The following SLCO1A2 variants were observed in gnomAD, a reference collection of about 807,000 sequenced individuals.
The protein encoded by SLCO1A2 is solute carrier organic anion transporter family member 1A2.
SLCO1A2 carries 67 observed loss-of-function variants against 69.0 expected under a neutral mutation model. The observed-to-expected ratio is 0.97, with a 90% confidence interval of 0.80 to 1.19. SLCO1A2 has a LOEUF of 1.19. SLCO1A2 is among the 50% of genes most tolerant of loss of function. The pLI, the probability that SLCO1A2 is intolerant of heterozygous loss-of-function variation, is 0.00. For missense variants in SLCO1A2, 787 were observed against 793.7 expected (o/e 0.99, Z 0.10); for synonymous variants, 260 against 265.9 (o/e 0.98, Z 0.22).
At position 21,301,223 on chromosome 12, in the gene SLCO1A2, C is replaced by T. The variant is rs1272118285; in HGVS notation, c.636G>A (p.Leu212=). 6.2e-7 allele frequency: 1 copy of T among 1,612,472 alleles called. No homozygotes were observed. Among genetic ancestry groups the T allele is most frequent in the Non-Finnish European group, 8.5e-7 (1 of 1,179,384 alleles). ...GAIIGPLIGL[L]LASFCANVYV... ...AAACATTTGCACAGAATGATGCCAA[C>T]AAAAGTCCAATCAAAGGACCAATAA... The change falls in exon 7 of 15, where the codon TTG becomes TTA. Residue 212 remains leucine (L), a synonymous_variant. Transcript: ENST00000683939.
chr12:21,353,438 G>C (rs181473327), intron 2 of SLCO1A2, among the ~76,000 whole-genome samples: 1 of 151,268 alleles, frequency 6.6e-6, no homozygotes, highest in African/African-American at 2.4e-5. Context: ...TGGAAGGTTC[G>C]TAGCCTCTTT....
intron 2 of SLCO1A2, among the ~76,000 whole-genome samples, chr12:21,369,865 T>A (rs1390876742): frequency 6.6e-6 from 1 of 152,198 alleles, no homozygotes; most frequent in African/African-American, 2.4e-5. Flanking sequence ...CTTGTAAAGA[T>A]AATCTAAATA....
intron 1 of SLCO1A2, among the ~76,000 whole-genome samples, chr12:21,386,322 G>T (rs1940876265): frequency 6.6e-6 from 1 of 152,118 alleles, no homozygotes; most frequent in Non-Finnish European, 1.5e-5. Flanking sequence ...ATGAAATAAT[G>T]TATAAAAAGC....
chr12:21,380,846 G>GAGGGCCCCCCAACCCAACCC, intron 1 of SLCO1A2, among the ~76,000 whole-genome samples: 2 of 152,042 alleles, frequency 1.3e-5, no homozygotes, highest in Non-Finnish European at 2.9e-5. Flanking sequence ...GCAGGGAAGA[G>GAGGGCCCCCCAACCCAACCC]AGGGCCCCCC....
At chr12:21,309,084 TA>T (rs1949785595) in intron 4 of SLCO1A2, among the ~76,000 whole-genome samples, 1 of 152,080 alleles carries the variant, frequency 6.6e-6, no homozygotes. Context: ...CCTTGAAAAT[TA>T]AAAATGTGGT....
chr12:21,415,554 C>T (rs1390188676), intron 1 of SLCO1A2, among the ~76,000 whole-genome samples: 1 of 151,990 alleles, frequency 6.6e-6, no homozygotes, highest in African/African-American at 2.4e-5. Flanking sequence ...CAATTTGGCT[C>T]ACATTAAATT....
chr12:21,313,864 T>C (rs1052576747), intron 4 of SLCO1A2, among the ~76,000 whole-genome samples: 4 of 151,140 alleles, frequency 2.6e-5, no homozygotes, highest in Non-Finnish European at 5.9e-5. Context: ...TCAGGAGGCT[T>C]GAGACAGGAG....
Position 21,373,145 on chromosome 12 carries a change from A to G in SLCO1A2, c.-63+1254T>C, listed in dbSNP as rs112110255. 11 of 593,070 alleles carry G rather than the reference A, an allele frequency of 1.9e-5. 1 individual carries two copies. Among genetic ancestry groups the G allele is most frequent in the African/African-American group, 1.3e-4 (7 of 53,754 alleles). The allele number at this position is 593,070 out of a possible 1,614,324, so 36.7% of individuals were successfully genotyped here. ...ATGTTCAGATTGCTTAGAGAAGGAA[A>G]TTGGGAAAGTAAAAATCTCGAAATT... is the stretch of plus-strand genomic sequence containing the variant. On this transcript the variant is annotated intron_variant, in intron 2 of 15. Coordinates refer to the SLCO1A2 transcript ENST00000307378.
intron 12 of SLCO1A2, among the ~76,000 whole-genome samples, chr12:21,291,510 AAAG>A (rs1178957508): frequency 6.6e-6 from 1 of 152,200 alleles, no homozygotes; most frequent in Non-Finnish European, 1.5e-5. Flanking sequence ...TAGAGCTCCA[AAAG>A]AAGAAGAAAA....
intron 1 of SLCO1A2, among the ~76,000 whole-genome samples, chr12:21,386,614 GC>G (rs892676523): frequency 6.6e-6 from 1 of 151,896 alleles, no homozygotes. Context: ...TGATTGTGTG[GC>G]CCCCCCAGCC....
In SLCO1A2 at chr12:21,306,880, ACCTGATGGAT is replaced by A. The variant is rs776718855; in HGVS notation, c.434_442+1del. 1 of 1,609,064 alleles carries A rather than the reference ACCTGATGGAT, an allele frequency of 6.2e-7. No individual in the cohort carries two copies. The highest frequency in any genetic ancestry group is 8.5e-7 in the Non-Finnish European group (1 of 1,175,822). On this transcript the variant is annotated splice_donor_variant and coding_sequence_variant, in exon 5 of 15. Coordinates refer to ENST00000683939, the MANE Select transcript of SLCO1A2 (RefSeq NM_001386879.1). LOFTEE classifies it high-confidence loss of function. ...AAAAATCAATACAATGAAGTAGACAACCTGATGGATCCTGCGTTGGTCTTAAAATCTGGGT... is the reference window on the plus strand; with the variant it reads ...AAAAATCAATACAATGAAGTAGACAACCTGCGTTGGTCTTAAAATCTGGGT...
chr12:21,322,012 C>A (rs1951695245), intron 2 of SLCO1A2, among the ~76,000 whole-genome samples: 1 of 152,166 alleles, frequency 6.6e-6, no homozygotes, highest in South Asian at 2.1e-4. Context: ...AAATAGCAGG[C>A]ACCCAATACA....
chr12:21,415,161 C>G (rs1179866416), intron 1 of SLCO1A2, among the ~76,000 whole-genome samples: 1 of 151,806 alleles, frequency 6.6e-6, no homozygotes, highest in African/African-American at 2.4e-5. Context: ...TATCTTAATT[C>G]ATTATTTCAG....
chr12:21,372,154 G>C (rs1443446697), intron 2 of SLCO1A2, among the ~76,000 whole-genome samples: 4 of 152,156 alleles, frequency 2.6e-5, no homozygotes, highest in South Asian at 4.1e-4. Flanking sequence ...TGGAGCTAAT[G>C]GGAAACAAAT....
chr12:21,347,663 A>G (rs1953306232), intron 2 of SLCO1A2, among the ~76,000 whole-genome samples: 1 of 134,898 alleles, frequency 7.4e-6, no homozygotes, highest in South Asian at 2.5e-4. Flanking sequence ...GAAAGAAGAA[A>G]GAAAGAAAGG....
intron 2 of SLCO1A2, among the ~76,000 whole-genome samples, chr12:21,364,157 T>G (rs1939176511): frequency 6.6e-6 from 1 of 152,180 alleles, no homozygotes. Context: ...AATAAAATAC[T>G]GGCAAACCGA....
At chr12:21,394,804 G>A (rs1023808587) in intron 1 of SLCO1A2, 11 of 151,848 alleles carry the variant, frequency 7.2e-5, no homozygotes, top group Non-Finnish European at 1.2e-4. Context: ...TCAACACCTG[G>A]GAGTGGGTGG....
At chr12:21,418,647 G>A (rs1431602610), upstream of SLCO1A2, among the ~76,000 whole-genome samples, 5 of 152,090 alleles carry the variant, frequency 3.3e-5, no homozygotes, top group Non-Finnish European at 7.4e-5. Flanking sequence ...ACAGTATGAT[G>A]GAAACTGCCC....
intron 2 of SLCO1A2, among the ~76,000 whole-genome samples, chr12:21,364,891 A>G (rs1939243068): frequency 6.6e-6 from 1 of 152,188 alleles, no homozygotes. Flanking sequence ...TCAGCAAAAT[A>G]AAACAGGACA....
Sources: allele counts gnomAD v4.1 joint callset (sites outside exome capture counted in the v4.1 genomes callset), GRCh38; gene constraint gnomAD v4.1.1; transcripts MANE v1.5; gene names NCBI Gene and HGNC (gene_info 2026-07-23, HGNC 2026-07-21).